Variants in ATL1 observed in about 807,000 individuals in gnomAD.
ATL1 encodes the protein atlastin-1.
ATL1 carries 31 observed loss-of-function variants against 75.5 expected under a neutral mutation model. The ratio of observed to expected loss-of-function variants is 0.41; its 90% CI spans 0.31 to 0.55. ATL1 has a LOEUF of 0.55. Among genes scored for constraint, ATL1 ranks in the 20% least tolerant of loss-of-function variants. The pLI is 0.27. For synonymous variants in ATL1, 226 were observed against 233.3 expected, an observed-to-expected ratio of 0.97 and a Z score of 0.28; for missense variants, 405 against 662.6, an observed-to-expected ratio of 0.61 and a Z score of 4.27.
intron 1 of ATL1, among the ~76,000 whole-genome samples, chr14:50,566,316 C>T (rs767762107): frequency 6.2e-4 from 94 of 152,024 alleles, no homozygotes; most frequent in Non-Finnish European, 2.6e-4. Flanking sequence ...CTGTTCTTAC[C>T]CTCTCCAAAG....
intron 1 of ATL1, among the ~76,000 whole-genome samples, chr14:50,580,740 T>C (rs1017026092): frequency 1.3e-5 from 2 of 152,154 alleles, no homozygotes; most frequent in Admixed American, 6.5e-5. Flanking sequence ...TTGAGAATGG[T>C]CTCTTATTTT....
intron 5 of ATL1, among the ~76,000 whole-genome samples, chr14:50,595,036 A>C (rs1017959044): frequency 1.4e-4 from 21 of 151,950 alleles, no homozygotes; most frequent in African/African-American, 5.1e-4. Flanking sequence ...AAAAAGAAAA[A>C]GAAAAAAGAC....
At chr14:50,558,401 T>TA (rs1357223906), upstream of ATL1, among the ~76,000 whole-genome samples, 1 of 152,168 alleles carries the variant, frequency 6.6e-6, no homozygotes, top group Non-Finnish European at 1.5e-5. Context: ...AGCCTCCATT[T>TA]AAAAAATCAC....
At chr14:50,572,457 C>A (rs1348281125) in intron 1 of ATL1, among the ~76,000 whole-genome samples, 1 of 152,086 alleles carries the variant, frequency 6.6e-6, no homozygotes, top group Non-Finnish European at 1.5e-5. Flanking sequence ...TTCTTGAAAT[C>A]TATCCATTTC....
At chr14:50,613,646 C>G (rs1389130450) in intron 7 of ATL1, among the ~76,000 whole-genome samples, 1 of 152,106 alleles carries the variant, frequency 6.6e-6, no homozygotes, top group Non-Finnish European at 1.5e-5. Flanking sequence ...TTTGAAATCC[C>G]TGGAGTCAAT....
intron 2 of ATL1, among the ~76,000 whole-genome samples, chr14:50,589,158 T>TC (rs1208394091): frequency 9.5e-5 from 14 of 146,606 alleles, no homozygotes; most frequent in East Asian, 2.0e-4. Context: ...TTTCTTTCTT[T>TC]TTTTTTTTTT....
chr14:50,560,159 C>G lies in ATL1; in HGVS notation c.-107C>G. On this transcript the variant is annotated 5_prime_UTR_variant, in exon 1 of 14. Coordinates refer to ENST00000358385, the MANE Select transcript of ATL1 (RefSeq NM_015915.5). The stretch of plus-strand genomic sequence containing the variant: ...GCAACATCCTCAGAGTCTGAGCGAA[C>G]TGCGCCCAGCGCGGGCACGGAGCCT... The G allele has an allele frequency of 7.3e-7, 1 of 1,373,300 alleles. No homozygotes were observed. Among genetic ancestry groups the G allele is most frequent in the Non-Finnish European group, 1.0e-6 (1 of 978,860 alleles). 85.1% of individuals were successfully genotyped at this position (1,373,300 alleles called of 1,614,324 possible).
At chr14:50,595,885 C>CT (rs72247480) in intron 6 of ATL1, among the ~76,000 whole-genome samples, 103 of 147,582 alleles carry the variant, frequency 7.0e-4, no homozygotes, top group Non-Finnish European at 8.4e-4. Context: ...AAAATGTCAG[C>CT]TTTTTTTTTT....
At chr14:50,574,937 G>GTATATATATATATATATATATA (rs71118894) in intron 1 of ATL1, among the ~76,000 whole-genome samples, 2 of 23,156 alleles carry the variant, frequency 8.6e-5, no homozygotes, top group Non-Finnish European at 1.6e-4. Context: ...GTGTGTGTGT[G>GTATATATATATATATATATATA]TATATATATA....
intron 6 of ATL1, among the ~76,000 whole-genome samples, chr14:50,606,621 T>C (rs1359040789): frequency 6.6e-6 from 1 of 152,024 alleles, no homozygotes; most frequent in Non-Finnish European, 1.5e-5. Context: ...TTAATTACTT[T>C]TGCATAAATT....
At chr14:50,560,458 C>T (rs532087553) in intron 1 of ATL1, 159 bp downstream of exon 1, 1 of 992,726 alleles carries the variant, frequency 1.0e-6, no homozygotes, top group East Asian at 2.6e-5. Context: ...GGCGGAGGAA[C>T]CATGGCCGAG....
At chr14:50,623,639 C>A (rs896167909) in intron 11 of ATL1, among the ~76,000 whole-genome samples, 1 of 151,842 alleles carries the variant, frequency 6.6e-6, no homozygotes, top group African/African-American at 2.4e-5. Flanking sequence ...AACAAAAACC[C>A]TAAGGGCCAT....
intron 1 of ATL1, chr14:50,533,479 T>C (rs1309643667): frequency 6.6e-6 from 1 of 152,174 alleles, no homozygotes; most frequent in Non-Finnish European, 1.5e-5. Context: ...GCACAGCATA[T>C]ATGGAACAGG....
intron 1 of ATL1, among the ~76,000 whole-genome samples, chr14:50,565,348 G>A (rs2038893400): frequency 6.6e-6 from 1 of 151,800 alleles, no homozygotes; most frequent in South Asian, 2.1e-4. Flanking sequence ...AGCTGGGCAT[G>A]ATGGTGCATG....
chr14:50,626,498 T>A (rs2356456), intron 11 of ATL1, among the ~76,000 whole-genome samples: 74,343 of 152,068 alleles, frequency 0.49, 19,104 homozygotes, highest in East Asian at 0.74. Flanking sequence ...CAATTTTGTA[T>A]TCTCTTAACG....
chr14:50,598,030 A>G (rs974692512), intron 6 of ATL1, among the ~76,000 whole-genome samples: 2 of 152,198 alleles, frequency 1.3e-5, no homozygotes, highest in African/African-American at 4.8e-5. Flanking sequence ...TACAGCTAGC[A>G]AATATAAGTT....
chr14:50,563,433 G>A (rs947444102), intron 1 of ATL1, among the ~76,000 whole-genome samples: 3 of 152,146 alleles, frequency 2.0e-5, no homozygotes, highest in African/African-American at 7.2e-5. Flanking sequence ...TCTTATGAGA[G>A]CTTAAAAAAG....
chr14:50,622,569 G>T (rs1310220881), intron 10 of ATL1, among the ~76,000 whole-genome samples: 2 of 152,072 alleles, frequency 1.3e-5, no homozygotes, highest in African/African-American at 2.4e-5. Context: ...GGGAGGCTGA[G>T]GCAGGAGAAT....
chr14:50,621,340 T>C (rs2140233056), intron 9 of ATL1, among the ~76,000 whole-genome samples: 1 of 152,358 alleles, frequency 6.6e-6, no homozygotes, highest in Non-Finnish European at 1.5e-5. Flanking sequence ...TGTTTTGTCA[T>C]TTAATATGCT....
Sources: allele counts gnomAD v4.1 joint callset (sites outside exome capture counted in the v4.1 genomes callset), GRCh38; gene constraint gnomAD v4.1.1; transcripts MANE v1.5; gene names NCBI Gene and HGNC (gene_info 2026-07-23, HGNC 2026-07-21).